DRICH1: variants seen among roughly 807,000 people sequenced by gnomAD.
DRICH1 encodes the protein aspartate rich 1.
Under a neutral mutation model 39.5 loss-of-function variants are expected in DRICH1, and 38 were observed. The ratio of observed to expected loss-of-function variants is 0.96; its 90% CI spans 0.74 to 1.26. The LOEUF is 1.26. Among genes scored for constraint, DRICH1 ranks in the 50% most tolerant of loss-of-function variants. The probability of loss-of-function intolerance (pLI) is 0.00; values close to 1 mark genes in which losing one functional copy is unlikely to be tolerated. For missense variants in DRICH1, 279 were observed against 270.4 expected, an observed-to-expected ratio of 1.03 and a Z score of -0.22; for synonymous variants, 84 against 99.5, an observed-to-expected ratio of 0.84 and a Z score of 0.93.
intron 1 of DRICH1, among the ~76,000 whole-genome samples, chr22:23,631,443 TAATA>T (rs796399507): frequency 2.3e-4 from 33 of 143,510 alleles, no homozygotes; most frequent in African/African-American, 8.6e-4. Flanking sequence ...AATAAATAAA[TAATA>T]AATAAAATTT....
chr22:23,614,825 G>A (rs1927257959), intron 8 of DRICH1, among the ~76,000 whole-genome samples: 1 of 150,474 alleles, frequency 6.6e-6, no homozygotes. Flanking sequence ...AGCAGCTCCT[G>A]TGTCACTCTC....
downstream of DRICH1, among the ~76,000 whole-genome samples, chr22:23,607,631 G>C (rs1337979736): frequency 1.3e-5 from 2 of 152,036 alleles, no homozygotes; most frequent in East Asian, 3.9e-4. Context: ...TGTGGCCCCT[G>C]AACCAGACCC....
At chr22:23,586,101 T>A in the DRICH1 span, among the ~76,000 whole-genome samples, 1 of 152,264 alleles carries the variant, frequency 6.6e-6, no homozygotes, top group Non-Finnish European at 1.5e-5. Context: ...TGAGAAGGAA[T>A]CATCTCCCTC....
chr22:23,609,511 A>G (rs1926917739), intron 11 of DRICH1, among the ~76,000 whole-genome samples: 1 of 152,032 alleles, frequency 6.6e-6, no homozygotes, highest in Non-Finnish European at 1.5e-5. Context: ...TGCCCAGGAG[A>G]AGCTGCTCCC....
downstream of DRICH1, among the ~76,000 whole-genome samples, chr22:23,604,144 C>T (rs932189887): frequency 6.6e-5 from 10 of 152,074 alleles, 1 homozygote; most frequent in Admixed American, 3.3e-4. Flanking sequence ...CTGGTCTCAT[C>T]GATTCCCTGC....
intron 8 of DRICH1, 96 bp from the exon 9 acceptor site, chr22:23,614,310 T>C: frequency 2.4e-6 from 2 of 840,158 alleles, no homozygotes; most frequent in Non-Finnish European, 4.1e-6. Context: ...AGGTGGTTGA[T>C]TAACAAGCAT....
At chr22:23,619,896 G>T (rs1476226657) in intron 5 of DRICH1, among the ~76,000 whole-genome samples, 3 of 152,078 alleles carry the variant, frequency 2.0e-5, no homozygotes, top group Non-Finnish European at 4.4e-5. Flanking sequence ...TTCATAAGGT[G>T]AGGATCCATT....
rs115064828 is a variant in DRICH1, at chr22:23,620,465, T to G, written c.406+129A>C. On this transcript the variant is annotated intron_variant, in intron 5 of 11. Transcript: ENST00000317749. ...TTTCTACAGCCCCTCTGCTCATAGTTATACACTTGCAGAATCATTTGCTCT... is the reference window on the plus strand; with the variant it reads ...TTTCTACAGCCCCTCTGCTCATAGTGATACACTTGCAGAATCATTTGCTCT... 277 of 1,085,920 alleles carry G rather than the reference T, an allele frequency of 2.6e-4. 3 individuals carry two copies. In the African/African-American group the frequency reaches 2.9e-3, roughly 12 times the overall value. The allele number at this position is 1,085,920 out of a possible 1,614,324, so 67.3% of individuals were successfully genotyped here. A position where few individuals can be genotyped will look rare whatever the true frequency, so the allele number is the denominator to read the frequency against.
intron 1 of DRICH1, among the ~76,000 whole-genome samples, chr22:23,626,566 C>T (rs936450612): frequency 1.3e-5 from 2 of 152,218 alleles, no homozygotes; most frequent in African/African-American, 4.8e-5. Context: ...GAGTATCATT[C>T]TCTAGCTGCA....
At chr22:23,581,479 GA>G in the DRICH1 span, 1 of 152,360 alleles carries the variant, frequency 6.6e-6, no homozygotes, top group Non-Finnish European at 1.5e-5. Flanking sequence ...GGCGGGGCTG[GA>G]AATGCTGCTG....
chr22:23,613,433 C>A, intron 10 of DRICH1, 103 bp from the exon 11 acceptor site: 1 of 1,037,408 alleles, frequency 9.6e-7, no homozygotes, highest in South Asian at 1.3e-5. Flanking sequence ...GTCTCCCACT[C>A]CATGCTGCTT....
intron 11 of DRICH1, among the ~76,000 whole-genome samples, chr22:23,609,128 G>A (rs1430109269): frequency 6.6e-6 from 1 of 152,172 alleles, no homozygotes; most frequent in African/African-American, 2.4e-5. Flanking sequence ...GTAGCCCAGA[G>A]GCACAAACTG....
chr22:23,625,834 A>G (rs1928026751), intron 2 of DRICH1, 147 bp downstream of exon 2: 3 of 661,750 alleles, frequency 4.5e-6, no homozygotes, highest in South Asian at 3.7e-5. Context: ...GTGTGTCTGC[A>G]CCCAGATCTT....
At chr22:23,616,954 A>G (rs1489312747) in intron 7 of DRICH1, 80 bp from the exon 8 acceptor site, 2 of 1,515,488 alleles carry the variant, frequency 1.3e-6, no homozygotes, top group African/African-American at 2.8e-5. Flanking sequence ...TAGTCTCTTG[A>G]TGACTTCACA....
the DRICH1 span, among the ~76,000 whole-genome samples, chr22:23,593,863 A>G: frequency 6.6e-6 from 1 of 152,004 alleles, no homozygotes; most frequent in Admixed American, 6.6e-5. Context: ...CTGTAATCCC[A>G]GCTACTCTGG....
At chr22:23,587,000 C>A in the DRICH1 span, among the ~76,000 whole-genome samples, 2 of 152,148 alleles carry the variant, frequency 1.3e-5, no homozygotes. Flanking sequence ...CTTTCATAGC[C>A]ATTCTCTAAC....
At chr22:23,627,349 A>G (rs1928129738) in intron 1 of DRICH1, among the ~76,000 whole-genome samples, 1 of 152,170 alleles carries the variant, frequency 6.6e-6, no homozygotes, top group South Asian at 2.1e-4. Flanking sequence ...CTGGAATTAC[A>G]GGTGTGAGCC....
chr22:23,614,906 C>T (rs557985200), intron 8 of DRICH1, among the ~76,000 whole-genome samples: 1 of 152,240 alleles, frequency 6.6e-6, no homozygotes, highest in Middle Eastern at 3.4e-3. Flanking sequence ...TCTAACTATA[C>T]CAGTGAAGCT....
chr22:23,583,520 T>C, the DRICH1 span: 1 of 152,220 alleles, frequency 6.6e-6, no homozygotes, highest in Non-Finnish European at 1.5e-5. Flanking sequence ...GACTTCACAT[T>C]ATCTCATAGA....
Sources: gnomAD v4.1 joint callset for allele counts (sites outside exome capture counted in the v4.1 genomes callset) on GRCh38, gnomAD v4.1.1 for gene constraint, MANE v1.5 for transcripts, NCBI Gene and HGNC (gene_info 2026-07-23, HGNC 2026-07-21) for gene names.